CEP112: variants seen among roughly 807,000 people sequenced by gnomAD.
CEP112 encodes centrosomal protein 112.
CEP112 carries 127 observed loss-of-function variants against 153.0 expected under a neutral mutation model. The ratio of observed to expected loss-of-function variants is 0.83; its 90% CI spans 0.72 to 0.96. The LOEUF is 0.96. Ranked by LOEUF, CEP112 falls within the 40% of genes least tolerant of loss-of-function variation. CEP112 has a pLI of 0.00. For synonymous variants in CEP112, 358 were observed against 374.4 expected, an observed-to-expected ratio of 0.96 and a Z score of 0.51; for missense variants, 1,089 against 1,101.2, an observed-to-expected ratio of 0.99 and a Z score of 0.16.
intron 1 of CEP112, among the ~76,000 whole-genome samples, chr17:66,183,731 A>C (rs1331893681): frequency 6.6e-6 from 1 of 152,200 alleles, no homozygotes; most frequent in Non-Finnish European, 1.5e-5. Context: ...AATGACAGTT[A>C]TTACAACAAA....
intron 24 of CEP112, 30 bp from the exon 25 acceptor site, chr17:65,641,095 T>C (rs1259298814): frequency 8.8e-7 from 1 of 1,140,676 alleles, no homozygotes; most frequent in Non-Finnish European, 1.3e-6. Context: ...AGAGTTATCT[T>C]TTTACCACAT....
At chr17:65,644,386 C>T in intron 24 of CEP112, 1 of 555,050 alleles carries the variant, frequency 1.8e-6, no homozygotes, top group South Asian at 1.7e-5. Context: ...TTTCCAGGGT[C>T]TTCTGAAGCT....
At chr17:65,971,537 T>C (rs555575175) in intron 17 of CEP112, among the ~76,000 whole-genome samples, 51 of 152,102 alleles carry the variant, frequency 3.4e-4, no homozygotes, top group African/African-American at 1.1e-3. Context: ...CACCTAAATG[T>C]ATGTTGCATG....
At position 66,052,560 on chromosome 17, in the gene CEP112, A is replaced by G. The variant is rs1193716665; in HGVS notation, c.1218+1176T>C. Among the ~76,000 whole-genome samples, 5 of 152,094 alleles carry G rather than the reference A, an allele frequency of 3.3e-5. No homozygotes were observed. The East Asian group carries it at 9.7e-4, about 29-fold the overall frequency. ...GGAGATCCTCTATCTCATCCTGACCAGTGTCACAGGTCTCTCTGCTGTGTA... is the reference window on the plus strand; with the variant it reads ...GGAGATCCTCTATCTCATCCTGACCGGTGTCACAGGTCTCTCTGCTGTGTA... On this transcript the variant is annotated intron_variant, in intron 12 of 26. Transcript: ENST00000535342.
chr17:65,746,662 T>A (rs907196706), intron 22 of CEP112, among the ~76,000 whole-genome samples: 2 of 152,096 alleles, frequency 1.3e-5, no homozygotes, highest in African/African-American at 4.8e-5. Flanking sequence ...GCACCCAGTT[T>A]AAGTGGTAGA....
intron 4 of CEP112, among the ~76,000 whole-genome samples, chr17:66,149,775 T>C (rs536457584): frequency 6.6e-6 from 1 of 151,878 alleles, no homozygotes; most frequent in Non-Finnish European, 1.5e-5. Flanking sequence ...TCATTTTCTC[T>C]ACTGTTTTTC....
intron 18 of CEP112, among the ~76,000 whole-genome samples, chr17:65,961,157 C>CT (rs2062185059): frequency 6.6e-6 from 1 of 152,170 alleles, no homozygotes; most frequent in South Asian, 2.1e-4. Flanking sequence ...ACTGGAGCCC[C>CT]TGCTCTAAAG....
At chr17:66,096,030 C>A (rs544563315) in intron 8 of CEP112, among the ~76,000 whole-genome samples, 2 of 152,196 alleles carry the variant, frequency 1.3e-5, no homozygotes, top group East Asian at 3.9e-4. Flanking sequence ...CCACTGCACT[C>A]CAGCCGGACA....
intron 21 of CEP112, among the ~76,000 whole-genome samples, chr17:65,828,032 G>A (rs1365656540): frequency 2.0e-5 from 3 of 152,100 alleles, no homozygotes; most frequent in African/African-American, 7.2e-5. Context: ...AGTTACTTAT[G>A]CAGCATGTTC....
At chr17:65,946,963 T>C (rs1188628008) in intron 18 of CEP112, among the ~76,000 whole-genome samples, 2 of 152,172 alleles carry the variant, frequency 1.3e-5, no homozygotes, top group Non-Finnish European at 2.9e-5. Context: ...ATAAATGGCA[T>C]CTTCTTCAAG....
chr17:65,690,868 A>G (rs1394803059), intron 23 of CEP112, among the ~76,000 whole-genome samples: 2 of 152,170 alleles, frequency 1.3e-5, no homozygotes, highest in East Asian at 3.9e-4. Context: ...GCCCAGAGAT[A>G]GACAGGAAGT....
chr17:65,863,279 T>G (rs1285296305), intron 20 of CEP112, among the ~76,000 whole-genome samples: 1 of 152,190 alleles, frequency 6.6e-6, no homozygotes, highest in Non-Finnish European at 1.5e-5. Flanking sequence ...ACCTTAAGCA[T>G]AAAAGAATTT....
At chr17:65,902,394 C>A in intron 19 of CEP112, 60 bp from the exon 20 acceptor site, 1 of 1,350,456 alleles carries the variant, frequency 7.4e-7, no homozygotes, top group Non-Finnish European at 9.9e-7. Flanking sequence ...CATGACAACT[C>A]ATGTACAGCT....
intron 21 of CEP112, chr17:65,826,411 C>T: frequency 6.4e-7 from 1 of 1,573,170 alleles, no homozygotes; most frequent in Non-Finnish European, 8.5e-7. Context: ...CCTCCCTCCC[C>T]TGATAGAAAG....
intron 20 of CEP112, among the ~76,000 whole-genome samples, chr17:65,857,076 C>T (rs907829075): frequency 6.6e-6 from 1 of 152,118 alleles, no homozygotes; most frequent in South Asian, 2.1e-4. Flanking sequence ...GTTGGTTTCC[C>T]AGTGCATATA....
chr17:65,794,881 C>T (rs760178725), intron 21 of CEP112, among the ~76,000 whole-genome samples: 1 of 152,204 alleles, frequency 6.6e-6, no homozygotes, highest in Non-Finnish European at 1.5e-5. Context: ...TCCCTTTCAA[C>T]AATAACAGTG....
chr17:65,669,131 C>T (rs931174833), intron 24 of CEP112, among the ~76,000 whole-genome samples: 4 of 152,224 alleles, frequency 2.6e-5, no homozygotes, highest in African/African-American at 9.7e-5. Flanking sequence ...AGAGCGGCAG[C>T]TGGCCCTTCT....
chr17:65,730,730 G>C (rs1224851243), intron 23 of CEP112, among the ~76,000 whole-genome samples: 2 of 151,808 alleles, frequency 1.3e-5, no homozygotes, highest in Non-Finnish European at 2.9e-5. Context: ...AGGACAGTAA[G>C]AATTGCCCAA....
chr17:66,117,048 C>T (rs2069332250), intron 6 of CEP112, among the ~76,000 whole-genome samples: 1 of 151,568 alleles, frequency 6.6e-6, no homozygotes, highest in African/African-American at 2.4e-5. Flanking sequence ...TGTATTTTTA[C>T]AAAAATTTTT....
Sources: allele counts gnomAD v4.1 joint callset (sites outside exome capture counted in the v4.1 genomes callset), GRCh38; gene constraint gnomAD v4.1.1; transcripts MANE v1.5; gene names NCBI Gene and HGNC (gene_info 2026-07-23, HGNC 2026-07-21).